ST8SIA4: variants seen among roughly 807,000 people sequenced by gnomAD.
ST8SIA4 encodes ST8 alpha-N-acetyl-neuraminide alpha-2,8-sialyltransferase 4.
ST8SIA4 carries 15 observed loss-of-function variants against 33.9 expected under a neutral mutation model. The ratio of observed to expected loss-of-function variants is 0.44; its 90% CI spans 0.30 to 0.68. The LOEUF (loss-of-function observed/expected upper bound fraction) is 0.68, where lower values mean the gene tolerates loss of function less well. ST8SIA4 is among the 30% of genes least tolerant of loss of function. The pLI, the probability that ST8SIA4 is intolerant of heterozygous loss-of-function variation, is 0.10. For synonymous variants in ST8SIA4, 171 were observed against 151.2 expected (o/e 1.13, Z -0.96); for missense variants, 321 against 428.0 (o/e 0.75, Z 2.21).
intron 1 of ST8SIA4, among the ~76,000 whole-genome samples, chr5:100,901,404 C>G (rs1388545987): frequency 6.6e-6 from 1 of 152,200 alleles, no homozygotes; most frequent in Non-Finnish European, 1.5e-5. Context: ...GCCTCTGCCT[C>G]TCATCGGAGC....
chr5:100,873,148 T>C (rs186976063), intron 3 of ST8SIA4, among the ~76,000 whole-genome samples: 5 of 152,248 alleles, frequency 3.3e-5, no homozygotes, highest in African/African-American at 9.6e-5. Flanking sequence ...GCCCTCTTAA[T>C]TGATATCTTA....
intron 3 of ST8SIA4, among the ~76,000 whole-genome samples, chr5:100,877,528 G>T (rs542399107): frequency 6.6e-6 from 1 of 152,116 alleles, no homozygotes; most frequent in Non-Finnish European, 1.5e-5. Flanking sequence ...TATGACAATA[G>T]GTCATTGAAG....
Position 100,903,071 on chromosome 5 carries a change from T to C in ST8SIA4, c.-116A>G, listed in dbSNP as rs1260310596. On this transcript the variant is annotated 5_prime_UTR_variant, in exon 1 of 5. Transcript: ENST00000231461. Reference sequence around the variant, plus strand: ...AAATCTGTAAAATGCGAGGAGAGCTTGGAGCCGGGATCCCGGGATCAGATC... The same window carrying C: ...AAATCTGTAAAATGCGAGGAGAGCTCGGAGCCGGGATCCCGGGATCAGATC... 2.8e-6 allele frequency: 2 copies of C among 717,900 alleles called. No individual in the cohort carries two copies. The highest frequency in any genetic ancestry group is 4.8e-6 in the Non-Finnish European group (2 of 419,742). The allele number at this position is 717,900 out of a possible 1,614,324, so 44.5% of individuals were successfully genotyped here.
At chr5:100,854,552 C>T (rs185602432) in intron 4 of ST8SIA4, among the ~76,000 whole-genome samples, 1 of 152,076 alleles carries the variant, frequency 6.6e-6, no homozygotes, top group Non-Finnish European at 1.5e-5. Flanking sequence ...CACTGCACTC[C>T]GGCCTGGGCA....
Position 100,852,310 on chromosome 5 carries a change from C to T in ST8SIA4, c.797+3793G>A, listed in dbSNP as rs190277122. Among the ~76,000 whole-genome samples, 234 of 151,178 alleles carry T rather than the reference C, an allele frequency of 1.5e-3. 1 individual carries two copies. The highest frequency in any genetic ancestry group is 5.5e-3 in the African/African-American group (229 of 41,296). ...CTCTTTTTCGTATTTTTAGTAGAGG[C>T]GGGGTTTCGCCATGTTGGCCAGGCT... On this transcript the variant is annotated intron_variant, in intron 4 of 4. Transcript: ENST00000231461.
rs148019074 is a variant in ST8SIA4, at chr5:100,812,129, A to G, written c.798T>C (p.Gly266=). 1.9e-6 allele frequency: 3 copies of G among 1,603,280 alleles called. No individual in the cohort carries two copies. The highest frequency in any genetic ancestry group is 1.7e-6 in the Non-Finnish European group (2 of 1,176,352). Residue 266 remains glycine, a splice_region_variant and synonymous_variant, in exon 5 of 5, where the codon GGT becomes GGC. Coordinates refer to ENST00000231461, the MANE Select transcript of ST8SIA4 (RefSeq NM_005668.6). The part of the protein sequence containing the change: ...PSLRLIHAVR[G]YWLTNKVPIK... ...TAGGAACTTTGTTGGTCAGCCAGTA[A>G]CTGGAAAAACAAAAAACAAAATCAA...
chr5:100,857,629 C>A (rs1024609225), intron 3 of ST8SIA4, among the ~76,000 whole-genome samples: 2 of 151,940 alleles, frequency 1.3e-5, no homozygotes, highest in Non-Finnish European at 2.9e-5. Flanking sequence ...CCTTACATTT[C>A]TCTTCCTTGT....
intron 4 of ST8SIA4, among the ~76,000 whole-genome samples, chr5:100,831,440 A>G (rs1163816465): frequency 6.6e-6 from 1 of 152,216 alleles, no homozygotes; most frequent in Non-Finnish European, 1.5e-5. Flanking sequence ...AACATTTATC[A>G]ATTCTAAAAC....
chr5:100,823,443 A>G (rs1176524439), intron 4 of ST8SIA4, among the ~76,000 whole-genome samples: 1 of 152,222 alleles, frequency 6.6e-6, no homozygotes, highest in Non-Finnish European at 1.5e-5. Flanking sequence ...CTTTCCCTTT[A>G]CGGACTTGCC....
Position 100,886,432 on chromosome 5 carries a change from C to T in ST8SIA4, c.414G>A (p.Arg138=), listed in dbSNP as rs1364439158. Residue 138 remains arginine (R), a synonymous_variant, in exon 3 of 5, where the codon AGG becomes AGA. Transcript: ENST00000231461. Reference sequence around the variant, plus strand: ...TTCCAACAACTGCACAGGTCTTAAACCTGCGATTCTTCATTGGTGAAACTT... The same window carrying T: ...TTCCAACAACTGCACAGGTCTTAAATCTGCGATTCTTCATTGGTGAAACTT... ...LPEVSPMKNR[R]FKTCAVVGNS... 6.2e-7 allele frequency: 1 copy of T among 1,613,942 alleles called. No homozygotes were observed. Among genetic ancestry groups the T allele is most frequent in the Non-Finnish European group, 8.5e-7 (1 of 1,179,866 alleles).
At chr5:100,879,561 G>A (rs1752373009) in intron 3 of ST8SIA4, among the ~76,000 whole-genome samples, 1 of 152,126 alleles carries the variant, frequency 6.6e-6, no homozygotes, top group African/African-American at 2.4e-5. Flanking sequence ...AAAGATTTCA[G>A]ATGTGCACAT....
chr5:100,859,231 T>C (rs1245359172), intron 3 of ST8SIA4, among the ~76,000 whole-genome samples: 1 of 152,138 alleles, frequency 6.6e-6, no homozygotes, highest in Non-Finnish European at 1.5e-5. Flanking sequence ...ATTTTCATTT[T>C]TCTTTATAAA....
chr5:100,887,589 C>T (rs73162268), intron 2 of ST8SIA4, among the ~76,000 whole-genome samples: 1,592 of 151,790 alleles, frequency 0.01, 24 homozygotes, highest in African/African-American at 0.035. Context: ...TATGCATATG[C>T]TAAGTAGGTA....
At position 100,902,987 on chromosome 5, in the gene ST8SIA4, A is replaced by G. The variant is rs1376944231; in HGVS notation, c.-32T>C. The G allele has an allele frequency of 2.0e-6, 3 of 1,515,266 alleles. No individual in the cohort carries two copies. The highest frequency in any genetic ancestry group is 2.7e-5 in the African/African-American group (2 of 72,806). The allele number at this position is 1,515,266 out of a possible 1,614,324, so 93.9% of individuals were successfully genotyped here. A position where few individuals can be genotyped will look rare whatever the true frequency, so the allele number is the denominator to read the frequency against. On this transcript the variant is annotated 5_prime_UTR_variant, in exon 1 of 5. Coordinates refer to ENST00000231461, the MANE Select transcript of ST8SIA4 (RefSeq NM_005668.6). ...TGCCCGAGAAAGTCCTGGTTGCCCC[A>G]GCTCCCGCACCTTCTCTTGATATAA...
At chr5:100,900,512 C>G (rs1028669218) in intron 1 of ST8SIA4, 2 of 456,094 alleles carry the variant, frequency 4.4e-6, no homozygotes, top group African/African-American at 4.0e-5. Flanking sequence ...CAAGCTTTTC[C>G]ACGAACCTTT....
In ST8SIA4 at chr5:100,807,278, A is replaced by G. The variant is rs574503318; in HGVS notation, c.*4569T>C. 1 of 152,736 alleles carries G rather than the reference A, an allele frequency of 6.5e-6. No homozygotes were observed. The highest frequency in any genetic ancestry group is 2.4e-5 in the African/African-American group (1 of 41,590). The allele number at this position is 152,736 out of a possible 1,614,324, so 9.5% of individuals were successfully genotyped here. On this transcript the variant is annotated 3_prime_UTR_variant, in exon 5 of 5. Coordinates refer to ENST00000231461, the MANE Select transcript of ST8SIA4 (RefSeq NM_005668.6). Reference sequence around the variant, plus strand: ...AATACCCGGTTGCTATACACAAACAATAAGAAAACAGTGTTGAACAGAATG... The same window carrying G: ...AATACCCGGTTGCTATACACAAACAGTAAGAAAACAGTGTTGAACAGAATG...
chr5:100,847,288 G>A (rs1486616682), intron 4 of ST8SIA4, among the ~76,000 whole-genome samples: 1 of 151,888 alleles, frequency 6.6e-6, no homozygotes, highest in Non-Finnish European at 1.5e-5. Context: ...TTTTCCTTAT[G>A]TGACTTGAGT....
intron 3 of ST8SIA4, among the ~76,000 whole-genome samples, chr5:100,875,537 C>T (rs1003157306): frequency 1.3e-5 from 2 of 152,086 alleles, no homozygotes; most frequent in Non-Finnish European, 2.9e-5. Context: ...TGGCCGTAGA[C>T]AAATATTTTA....
intron 3 of ST8SIA4, among the ~76,000 whole-genome samples, chr5:100,870,116 G>A (rs138582684): frequency 4.6e-5 from 7 of 152,198 alleles, no homozygotes; most frequent in Admixed American, 2.0e-4. Flanking sequence ...CTGTCCTTGC[G>A]ATAGTTTACT....
Sources: allele counts gnomAD v4.1 joint callset (sites outside exome capture counted in the v4.1 genomes callset), GRCh38; gene constraint gnomAD v4.1.1; transcripts MANE v1.5; gene names NCBI Gene and HGNC (gene_info 2026-07-23, HGNC 2026-07-21).